MET: variants seen among roughly 807,000 people sequenced by gnomAD.
MET encodes MET proto-oncogene, receptor tyrosine kinase.
A neutral mutation model predicts 133.1 loss-of-function variants in MET; 48 were observed. That is an observed-to-expected ratio of 0.36 (90% CI 0.29 to 0.46). The LOEUF is 0.46. Ranked by LOEUF, MET falls within the 20% of genes least tolerant of loss-of-function variation. The pLI is 1.00. For synonymous variants in MET, 628 were observed against 616.5 expected, an observed-to-expected ratio of 1.02 and a Z score of -0.28; for missense variants, 1,442 against 1,695.9, an observed-to-expected ratio of 0.85 and a Z score of 2.63.
intron 4 of MET, 135 bp downstream of exon 4, chr7:116,740,219 G>A: frequency 1.0e-6 from 1 of 957,130 alleles, no homozygotes; most frequent in Non-Finnish European, 1.7e-6. Flanking sequence ...TCTTTAGTGA[G>A]TATTCCAGAG....
intron 18 of MET, 91 bp downstream of exon 18, chr7:116,782,188 CT>C: frequency 1.1e-6 from 1 of 897,086 alleles, no homozygotes; most frequent in Non-Finnish European, 1.8e-6. Context: ...GCTGTTTTCT[CT>C]TCTTATGCAA....
intron 3 of MET, among the ~76,000 whole-genome samples, chr7:116,738,710 T>A (rs537772162): frequency 6.6e-6 from 1 of 152,210 alleles, no homozygotes; most frequent in Admixed American, 6.5e-5. Context: ...TTAGGTACTT[T>A]GAGAATCTTC....
chr7:116,783,558 A>T, intron 19 of MET, 89 bp downstream of exon 19: 1 of 1,347,374 alleles, frequency 7.4e-7, no homozygotes, highest in East Asian at 2.4e-5. Context: ...TTTTTTAAAA[A>T]AATTCAACAC....
rs1317861730 is a variant in MET, at chr7:116,768,802, T to G, written c.2584-843T>G. On this transcript the variant is annotated intron_variant, in intron 11 of 20. Coordinates refer to ENST00000397752, the MANE Select transcript of MET (RefSeq NM_000245.4). ...ATAAATAACTGTACTCATTAAGTCT[T>G]GATATGAGAAATTATACCTAGGTTT... Among the ~76,000 whole-genome samples the G allele has an allele frequency of 2.0e-5, 3 of 152,230 alleles. No individual in the cohort carries two copies. The East Asian group carries it at 5.8e-4, about 29-fold the overall frequency.
intron 11 of MET, among the ~76,000 whole-genome samples, chr7:116,768,831 C>G (rs1338476724): frequency 1.3e-5 from 2 of 152,166 alleles, no homozygotes; most frequent in Non-Finnish European, 2.9e-5. Context: ...TAGGTTTGCA[C>G]TTCTTTCGCA....
At chr7:116,684,211 T>A (rs539268263) in intron 1 of MET, among the ~76,000 whole-genome samples, 98 of 152,366 alleles carry the variant, frequency 6.4e-4, no homozygotes, top group Non-Finnish European at 6.8e-4. Context: ...ACAATCAAAA[T>A]CCATATTGAA....
chr7:116,704,009 A>T (rs1162238827), intron 2 of MET, among the ~76,000 whole-genome samples: 1 of 152,116 alleles, frequency 6.6e-6, no homozygotes, highest in Non-Finnish European at 1.5e-5. Context: ...TTTCGCCAAC[A>T]TCTTGATGAC....
At chr7:116,754,143 A>C (rs1794033325) in intron 5 of MET, among the ~76,000 whole-genome samples, 1 of 152,110 alleles carries the variant, frequency 6.6e-6, no homozygotes, top group South Asian at 2.1e-4. Flanking sequence ...CTAAAAGTAA[A>C]TAAGTAAATA....
At chr7:116,685,386 A>C (rs184064938) in intron 1 of MET, among the ~76,000 whole-genome samples, 1 of 152,162 alleles carries the variant, frequency 6.6e-6, no homozygotes, top group African/African-American at 2.4e-5. Context: ...TGCCTAAAAA[A>C]TGTATGTCAG....
chr7:116,680,183 G>A (rs1796298800), intron 1 of MET, among the ~76,000 whole-genome samples: 1 of 152,094 alleles, frequency 6.6e-6, no homozygotes, highest in African/African-American at 2.4e-5. Context: ...ATTACAGCTT[G>A]TTTTGACATT....
intron 2 of MET, among the ~76,000 whole-genome samples, chr7:116,717,324 G>A (rs974451826): frequency 1.3e-5 from 2 of 152,120 alleles, no homozygotes; most frequent in South Asian, 2.1e-4. Context: ...AAGAAACAGC[G>A]CCAGACCCTG....
At chr7:116,706,746 CAG>C (rs1791809196) in intron 2 of MET, among the ~76,000 whole-genome samples, 1 of 152,030 alleles carries the variant, frequency 6.6e-6, no homozygotes, top group Non-Finnish European at 1.5e-5. Flanking sequence ...AGTGGGCACA[CAG>C]AGTTCAGAAT....
chr7:116,769,711 A>C lies in MET; in HGVS notation c.2650A>C (p.Asn884His). 6.2e-7 allele frequency: 1 copy of C among 1,613,838 alleles called. No homozygotes were observed. The highest frequency in any genetic ancestry group is 1.1e-5 in the South Asian group (1 of 91,070). Residue 884 changes from asparagine to histidine, a missense_variant, in exon 12 of 21, where the codon AAT becomes CAT. This residue lies in a region of MET where 514 missense variants were observed against 659.6 expected (regional missense o/e 0.78). Coordinates refer to ENST00000397752, the MANE Select transcript of MET (RefSeq NM_000245.4). ...AAAAGTTGGAAATAAGAGCTGTGAGAATATACACTTACATTCTGAAGCCGT... is the reference window on the plus strand; with the variant it reads ...AAAAGTTGGAAATAAGAGCTGTGAGCATATACACTTACATTCTGAAGCCGT... ...VLKVGNKSCE[N>H]IHLHSEAVLC...
chr7:116,706,673 G>T (rs1388656041), intron 2 of MET, among the ~76,000 whole-genome samples: 1 of 152,010 alleles, frequency 6.6e-6, no homozygotes, highest in Non-Finnish European at 1.5e-5. Flanking sequence ...TCAGAATTTG[G>T]ATAGAAGACC....
At chr7:116,692,656 A>G (rs1796814465) in intron 1 of MET, among the ~76,000 whole-genome samples, 1 of 152,234 alleles carries the variant, frequency 6.6e-6, no homozygotes, top group Admixed American at 6.5e-5. Context: ...ATTTGTAACT[A>G]TTAATAACAG....
chr7:116,742,355 G>A (rs1793492127), intron 5 of MET, among the ~76,000 whole-genome samples: 1 of 152,290 alleles, frequency 6.6e-6, no homozygotes, highest in Middle Eastern at 3.4e-3. Context: ...TGTAGTATTT[G>A]TGTACTTTTT....
intron 16 of MET, among the ~76,000 whole-genome samples, chr7:116,777,919 A>G (rs1415419069): frequency 6.6e-6 from 1 of 152,250 alleles, no homozygotes; most frequent in Admixed American, 6.5e-5. Flanking sequence ...CTGGCCAAAA[A>G]TTGAAAAATC....
chr7:116,755,008 G>GAAAGAAAGAAAGAAAGAAAGAAAGA (rs1794114130), intron 5 of MET, among the ~76,000 whole-genome samples: 1 of 149,794 alleles, frequency 6.7e-6, no homozygotes, highest in Non-Finnish European at 1.5e-5. Flanking sequence ...AAGAAAGAAA[G>GAAAGAAAGAAAGAAAGAAAGAAAGA]AAAGAAAGAA....
chr7:116,783,001 G>A (rs575131608), intron 18 of MET, among the ~76,000 whole-genome samples: 1 of 152,318 alleles, frequency 6.6e-6, no homozygotes, highest in South Asian at 2.1e-4. Context: ...AGCAACCAAA[G>A]TAAACCCACA....
Sources: allele counts gnomAD v4.1 joint callset (sites outside exome capture counted in the v4.1 genomes callset), GRCh38; gene constraint gnomAD v4.1.1; regional missense constraint gnomAD v4.1.1; transcripts MANE v1.5; gene names NCBI Gene and HGNC (gene_info 2026-07-23, HGNC 2026-07-21).